The following RGS6 variants were observed in gnomAD, a reference collection of about 807,000 sequenced individuals.
The protein encoded by RGS6 is regulator of G-protein signaling 6.
RGS6 carries 30 observed loss-of-function variants against 78.5 expected under a neutral mutation model. That is an observed-to-expected ratio of 0.38 (90% CI 0.29 to 0.52). The LOEUF (loss-of-function observed/expected upper bound fraction) is 0.52. Ranked by LOEUF, RGS6 falls within the 20% of genes least tolerant of loss-of-function variation. The pLI, the probability that RGS6 is intolerant of heterozygous loss-of-function variation, is 0.85. For missense variants in RGS6, 495 were observed against 609.7 expected, an observed-to-expected ratio of 0.81 and a Z score of 1.98; for synonymous variants, 206 against 206.0, an observed-to-expected ratio of 1.00 and a Z score of 0.00.
intron 3 of RGS6, among the ~76,000 whole-genome samples, chr14:72,402,171 A>G (rs1349519185): frequency 2.0e-5 from 3 of 152,114 alleles, no homozygotes; most frequent in Non-Finnish European, 2.9e-5. Flanking sequence ...GCAAAGAGAG[A>G]CCCATTGGTC....
At chr14:72,345,566 G>A (rs8015917) in intron 2 of RGS6, among the ~76,000 whole-genome samples, 68,917 of 151,970 alleles carry the variant, frequency 0.45, 15,932 homozygotes, top group South Asian at 0.58. Context: ...CCACAGGCCT[G>A]TGGTGGCATT....
intron 2 of RGS6, among the ~76,000 whole-genome samples, chr14:72,084,191 A>G (rs2094934179): frequency 6.6e-6 from 1 of 152,194 alleles, no homozygotes; most frequent in Non-Finnish European, 1.5e-5. Context: ...ATCATCAGGC[A>G]TTAGATTCTC....
intron 3 of RGS6, among the ~76,000 whole-genome samples, chr14:72,440,295 T>C (rs2095135137): frequency 6.6e-6 from 1 of 152,212 alleles, no homozygotes; most frequent in South Asian, 2.1e-4. Context: ...CCCTGGGCTC[T>C]GCGCTCAGAC....
chr14:72,616,936 G>T, the RGS6 span, among the ~76,000 whole-genome samples: 1 of 152,116 alleles, frequency 6.6e-6, no homozygotes, highest in Non-Finnish European at 1.5e-5. Context: ...GGAAACTGAG[G>T]CCTCCAAAGA....
At chr14:72,320,343 CTG>C (rs1283517008) in intron 2 of RGS6, among the ~76,000 whole-genome samples, 1 of 152,140 alleles carries the variant, frequency 6.6e-6, no homozygotes, top group Non-Finnish European at 1.5e-5. Context: ...CTTTGGGAGA[CTG>C]AGGCAGGTGG....
At chr14:72,451,749 G>C (rs1396253875) in intron 3 of RGS6, among the ~76,000 whole-genome samples, 1 of 151,542 alleles carries the variant, frequency 6.6e-6, no homozygotes, top group Non-Finnish European at 1.5e-5. Flanking sequence ...CCACAGAAAA[G>C]AACTATTTTT....
At chr14:72,176,934 T>C (rs2097112357) in intron 2 of RGS6, among the ~76,000 whole-genome samples, 1 of 152,198 alleles carries the variant, frequency 6.6e-6, no homozygotes, top group Non-Finnish European at 1.5e-5. Context: ...TTATTCTGAC[T>C]TCCATCAATT....
At chr14:72,478,170 T>C (rs531230471) in intron 11 of RGS6, 98 bp from the exon 12 acceptor site, 23 of 835,848 alleles carry the variant, frequency 2.8e-5, no homozygotes, top group Non-Finnish European at 3.8e-5. Context: ...AGAGGAGGTA[T>C]TTGGATCTTG....
intron 2 of RGS6, among the ~76,000 whole-genome samples, chr14:72,338,060 T>G (rs998429120): frequency 1.3e-5 from 2 of 152,242 alleles, no homozygotes; most frequent in African/African-American, 4.8e-5. Context: ...AGCTTATTTT[T>G]TCTCCAGGCA....
intron 3 of RGS6, among the ~76,000 whole-genome samples, chr14:72,404,709 C>T (rs1179740904): frequency 6.6e-6 from 1 of 152,316 alleles, no homozygotes; most frequent in African/African-American, 2.4e-5. Flanking sequence ...CTAGCATTGG[C>T]CAGAATGAAG....
intron 17 of RGS6, among the ~76,000 whole-genome samples, chr14:72,555,459 G>GAT (rs1567123755): frequency 6.6e-6 from 1 of 152,222 alleles, no homozygotes; most frequent in African/African-American, 2.4e-5. Context: ...ACCTGCCTGA[G>GAT]ATAAGCTCAA....
chr14:72,252,648 CTGATGAATG>C (rs2056090984), intron 2 of RGS6, among the ~76,000 whole-genome samples: 1 of 152,066 alleles, frequency 6.6e-6, no homozygotes, highest in African/African-American at 2.4e-5. Flanking sequence ...TGGCTCGTAA[CTGATGAATG>C]TGATGGTTTT....
intron 3 of RGS6, among the ~76,000 whole-genome samples, chr14:72,431,088 A>G (rs972104878): frequency 6.6e-6 from 1 of 152,196 alleles, no homozygotes; most frequent in African/African-American, 2.4e-5. Context: ...TTAAGCATGT[A>G]TACTATACAG....
chr14:72,081,641 T>C (rs1240445241), intron 2 of RGS6, among the ~76,000 whole-genome samples: 3 of 152,090 alleles, frequency 2.0e-5, no homozygotes, highest in Non-Finnish European at 4.4e-5. Flanking sequence ...TGGAAGGCTG[T>C]AGAATTTTTC....
At chr14:72,216,851 A>G (rs2045692193) in intron 2 of RGS6, among the ~76,000 whole-genome samples, 2 of 152,132 alleles carry the variant, frequency 1.3e-5, no homozygotes, top group Non-Finnish European at 2.9e-5. Context: ...ACAAGGTGAC[A>G]GTTCTCTCTG....
At position 72,453,615 on chromosome 14, in the gene RGS6, CAAAAAAAAA is replaced by C. The variant is rs60280790; in HGVS notation, c.185-896_185-888del. The stretch of plus-strand genomic sequence containing the variant: ...TGGGCGACAGAGCGAGACTCCGTCT[CAAAAAAAAA>C]AAAAAAAAAAAAAAAAGTTCCTTCA... On this transcript the variant is annotated intron_variant, in intron 3 of 17. Coordinates refer to ENST00000553525, the MANE Select transcript of RGS6 (RefSeq NM_001204424.2). 1.3e-3 allele frequency among the ~76,000 whole-genome samples: 69 copies of C among 52,064 alleles called. 1 individual carries two copies. The highest frequency in any genetic ancestry group is 7.0e-3 in the South Asian group (11 of 1,570). 34.2% of individuals were successfully genotyped at this position (52,064 alleles called of 152,430 possible).
chr14:71,904,890 C>A, the RGS6 span, among the ~76,000 whole-genome samples: 9 of 151,816 alleles, frequency 5.9e-5, no homozygotes. Flanking sequence ...TACTGGACTC[C>A]ATTATCTTTT....
At chr14:72,201,348 C>A (rs1162469501) in intron 2 of RGS6, among the ~76,000 whole-genome samples, 1 of 152,128 alleles carries the variant, frequency 6.6e-6, no homozygotes, top group Non-Finnish European at 1.5e-5. Context: ...TGCACAGTGG[C>A]AGGTAAAGTT....
intron 2 of RGS6, among the ~76,000 whole-genome samples, chr14:72,336,628 A>G (rs993539970): frequency 5.3e-5 from 8 of 152,204 alleles, no homozygotes; most frequent in African/African-American, 1.9e-4. Context: ...TTAAGCAGAA[A>G]GAGTTGGAAA....
Sources: allele counts gnomAD v4.1 joint callset (sites outside exome capture counted in the v4.1 genomes callset), GRCh38; gene constraint gnomAD v4.1.1; transcripts MANE v1.5; gene names NCBI Gene and HGNC (gene_info 2026-07-23, HGNC 2026-07-21).